CSE1L: variants seen among roughly 807,000 people sequenced by gnomAD.
CSE1L encodes the protein chromosome segregation 1 like.
In CSE1L, 24 loss-of-function variants were observed where a neutral mutation model predicts 120.4. That is an observed-to-expected ratio of 0.20 (90% CI 0.14 to 0.28). The LOEUF (loss-of-function observed/expected upper bound fraction) is 0.28. Ranked by LOEUF, CSE1L falls within the 10% of genes least tolerant of loss-of-function variation. The pLI, the probability that CSE1L is intolerant of heterozygous loss-of-function variation, is 1.00. For synonymous variants in CSE1L, 402 were observed against 398.3 expected (o/e 1.01, Z -0.11); for missense variants, 830 against 1,145.2 (o/e 0.72, Z 3.97).
At chr20:49,075,966 G>A (rs1487346381) in intron 12 of CSE1L, among the ~76,000 whole-genome samples, 1 of 151,852 alleles carries the variant, frequency 6.6e-6, no homozygotes, top group Non-Finnish European at 1.5e-5. Flanking sequence ...CAAGTAACTG[G>A]GATTACAAGT....
At chr20:49,070,415 A>G in intron 8 of CSE1L, 118 bp downstream of exon 8, 1 of 580,944 alleles carries the variant, frequency 1.7e-6, no homozygotes. Context: ...ATACTGTAAT[A>G]ATATTTGATT....
chr20:49,065,340 T>TTTTTTTTTTTTTTTTTTTTTTTTTTTTTG, intron 3 of CSE1L, among the ~76,000 whole-genome samples: 1 of 121,792 alleles, frequency 8.2e-6, no homozygotes, highest in Non-Finnish European at 1.7e-5. Context: ...TTTTTTTTTT[T>TTTTTTTTTTTTTTTTTTTTTTTTTTTTTG]GAGAGGGAGT....
chr20:49,058,437 T>C lies in CSE1L; in HGVS notation c.-11-16T>C. The C allele has an allele frequency of 2.6e-6, 4 of 1,557,256 alleles. No homozygotes were observed. Among genetic ancestry groups the C allele is most frequent in the Non-Finnish European group, 3.5e-6 (4 of 1,138,388 alleles). ...CCGTAAGTGACCAGTTATCCAAACC[T>C]TATTTTATATTTTAGATCCTATAGC... is the stretch of plus-strand genomic sequence containing the variant. On this transcript the variant is annotated splice_polypyrimidine_tract_variant and intron_variant, in intron 1 of 24. Coordinates refer to ENST00000262982, the MANE Select transcript of CSE1L (RefSeq NM_001316.4).
intron 15 of CSE1L, 98 bp from the exon 16 acceptor site, chr20:49,085,184 GT>G: frequency 1.2e-6 from 1 of 865,606 alleles, no homozygotes. Flanking sequence ...AGATGGCTCA[GT>G]TTTATGCTGA....
intron 1 of CSE1L, among the ~76,000 whole-genome samples, chr20:49,052,307 A>G (rs1420619140): frequency 6.6e-6 from 1 of 152,254 alleles, no homozygotes; most frequent in Non-Finnish European, 1.5e-5. Flanking sequence ...AGGAGCTTGC[A>G]GTCTAGTGTG....
intron 16 of CSE1L, among the ~76,000 whole-genome samples, chr20:49,086,452 C>G (rs79083100): frequency 0.047 from 6,858 of 146,256 alleles, 490 homozygotes; most frequent in African/African-American, 0.16. Flanking sequence ...TGCAGCCTCA[C>G]TCTCCTGGGT....
At chr20:49,085,448 C>G in intron 16 of CSE1L, 62 bp downstream of exon 16, 1 of 1,175,798 alleles carries the variant, frequency 8.5e-7, no homozygotes, top group Non-Finnish European at 1.3e-6. Context: ...AGGGTGAGCA[C>G]TCTGAGTTAT....
chr20:49,084,255 G>T (rs2092036454), intron 15 of CSE1L, 93 bp downstream of exon 15: 1 of 1,269,042 alleles, frequency 7.9e-7, no homozygotes, highest in Non-Finnish European at 1.1e-6. Context: ...TTCACTAGTG[G>T]GAAAACAAAT....
intron 1 of CSE1L, among the ~76,000 whole-genome samples, 193 bp downstream of exon 1, chr20:49,046,616 G>T (rs1292900634): frequency 6.6e-6 from 1 of 152,224 alleles, no homozygotes; most frequent in African/African-American, 2.4e-5. Flanking sequence ...CGCTTGCCGC[G>T]CCTCGCGGCA....
intron 1 of CSE1L, among the ~76,000 whole-genome samples, chr20:49,052,325 G>C (rs559720255): frequency 3.3e-5 from 5 of 152,344 alleles, no homozygotes; most frequent in African/African-American, 1.2e-4. Flanking sequence ...GTGTGTATGA[G>C]ACGACAAAGA....
At chr20:49,078,528 T>G in intron 13 of CSE1L, 33 bp from the exon 14 acceptor site, 1 of 1,465,820 alleles carries the variant, frequency 6.8e-7, no homozygotes, top group Middle Eastern at 1.7e-4. Flanking sequence ...CCTTACCACT[T>G]AAGTAACTGT....
chr20:49,069,268 G>T (rs904912602), intron 7 of CSE1L, among the ~76,000 whole-genome samples: 3 of 152,206 alleles, frequency 2.0e-5, no homozygotes, highest in African/African-American at 7.2e-5. Flanking sequence ...ACCAGACTTT[G>T]AAAGGGGTAG....
At chr20:49,093,055 A>G (rs931470937) in intron 22 of CSE1L, among the ~76,000 whole-genome samples, 1 of 152,222 alleles carries the variant, frequency 6.6e-6, no homozygotes, top group Non-Finnish European at 1.5e-5. Context: ...AAGATAAAGA[A>G]CAACTCTTAG....
chr20:49,074,854 T>C lies in CSE1L; in HGVS notation c.1132+4T>C. The C allele has an allele frequency of 6.2e-7, 1 of 1,607,328 alleles. No homozygotes were observed. The highest frequency in any genetic ancestry group is 8.5e-7 in the Non-Finnish European group (1 of 1,177,682). On this transcript the variant is annotated splice_donor_region_variant and intron_variant, in intron 11 of 24. Transcript: ENST00000262982. ...AGGAGAGATTTGGAAGGATCTGGTG[T>C]GTATCTTGGTTTTTTAGTTACTAGT... is the stretch of plus-strand genomic sequence containing the variant.
chr20:49,081,069 C>T (rs1339762608), intron 14 of CSE1L, among the ~76,000 whole-genome samples: 2 of 147,626 alleles, frequency 1.4e-5, no homozygotes, highest in African/African-American at 2.5e-5. Context: ...CTGCAGCCTC[C>T]ACCTCCCAGG....
intron 22 of CSE1L, among the ~76,000 whole-genome samples, chr20:49,093,454 CCT>C (rs1374929776): frequency 1.3e-5 from 2 of 151,876 alleles, no homozygotes; most frequent in African/African-American, 4.8e-5. Flanking sequence ...CATTTATGTA[CCT>C]GCAGGTATGT....
intron 8 of CSE1L, 89 bp from the exon 9 acceptor site, chr20:49,072,197 A>ATTCCTGAACT: frequency 7.4e-7 from 1 of 1,347,974 alleles, no homozygotes; most frequent in Non-Finnish European, 1.0e-6. Context: ...TTAATTGATA[A>ATTCCTGAACT]AGAGTCTAGT....
Position 49,084,092 on chromosome 20 carries a change from G to A in CSE1L, c.1549G>A (p.Val517Ile). The change falls in exon 15 of 25, where the codon GTT becomes ATT. Residue 517 changes from valine to isoleucine, a missense_variant. Physicochemically the swap from Val to Ile is conservative, Grantham distance 29 (BLOSUM62 3). Coordinates refer to ENST00000262982, the MANE Select transcript of CSE1L (RefSeq NM_001316.4). ...LINHLQAESI[V>I]VHTYAAHALE... ...TAATCATCTTCAAGCTGAAAGTATT[G>A]TTGTTCATACTTACGCAGCTCATGC... 1.9e-6 allele frequency: 3 copies of A among 1,613,818 alleles called. No individual in the cohort carries two copies. The highest frequency in any genetic ancestry group is 2.5e-6 in the Non-Finnish European group (3 of 1,179,788).
intron 23 of CSE1L, 29 bp from the exon 24 acceptor site, chr20:49,094,702 CT>C: frequency 6.6e-7 from 1 of 1,504,460 alleles, no homozygotes; most frequent in South Asian, 1.1e-5. Flanking sequence ...TTTTCTTGAC[CT>C]TTTTATCTCT....
Sources: gnomAD v4.1 joint callset for allele counts (sites outside exome capture counted in the v4.1 genomes callset) on GRCh38, gnomAD v4.1.1 for gene constraint, MANE v1.5 for transcripts, NCBI Gene and HGNC (gene_info 2026-07-23, HGNC 2026-07-21) for gene names.